Variants in NRDC observed in about 807,000 individuals in gnomAD.
NRDC encodes the protein nardilysin convertase, also known as nardilysin.
In NRDC, 54 loss-of-function variants were observed where a neutral mutation model predicts 147.1. The ratio of observed to expected loss-of-function variants is 0.37; its 90% CI spans 0.29 to 0.46. The LOEUF is 0.46. Among genes scored for constraint, NRDC ranks in the 20% least tolerant of loss-of-function variants. The pLI, the probability that NRDC is intolerant of heterozygous loss-of-function variation, is 1.00. For missense variants in NRDC, 1,082 were observed against 1,370.6 expected (o/e 0.79, Z 3.33); for synonymous variants, 440 against 482.1 (o/e 0.91, Z 1.14).
At chr1:51,863,514 T>C (rs1682655507) in intron 1 of NRDC, among the ~76,000 whole-genome samples, 1 of 152,198 alleles carries the variant, frequency 6.6e-6, no homozygotes, top group South Asian at 2.1e-4. Flanking sequence ...AGAATGATGT[T>C]TGAATCACAA....
chr1:51,862,590 AAC>A (rs1223206523), intron 1 of NRDC, among the ~76,000 whole-genome samples: 1 of 151,824 alleles, frequency 6.6e-6, no homozygotes, highest in African/African-American at 2.4e-5. Flanking sequence ...CCGAGGTGGT[AAC>A]ACACACTTGT....
intron 1 of NRDC, among the ~76,000 whole-genome samples, chr1:51,861,957 C>A (rs1208356366): frequency 6.6e-6 from 1 of 152,128 alleles, no homozygotes; most frequent in African/African-American, 2.4e-5. Context: ...CCAGGTGGGT[C>A]AAAGCTCTCC....
At chr1:51,852,870 CAAT>C (rs981579872) in intron 1 of NRDC, among the ~76,000 whole-genome samples, 11 of 152,096 alleles carry the variant, frequency 7.2e-5, no homozygotes, top group African/African-American at 2.7e-4. Context: ...GCTAATAGAA[CAAT>C]GATACTCAAG....
chr1:51,846,235 C>G (rs549336659), intron 1 of NRDC, among the ~76,000 whole-genome samples: 1 of 152,090 alleles, frequency 6.6e-6, no homozygotes, highest in African/African-American at 2.4e-5. Flanking sequence ...GCCTTAAGCT[C>G]CCGGGTAGCT....
chr1:51,878,322 A>T lies in NRDC; in HGVS notation c.294T>A (p.Ala98=). The T allele has an allele frequency of 6.2e-7, 1 of 1,614,094 alleles. No individual in the cohort carries two copies. The highest frequency in any genetic ancestry group is 1.3e-5 in the African/African-American group (1 of 75,016). ...EEGRRGSLSN[A]GDPEIVKSPS... ...GAGACTTGACGATCTCAGGGTCCCCAGCATTACTGAGAGACCCCCTCCGTC... is the reference window on the plus strand; with the variant it reads ...GAGACTTGACGATCTCAGGGTCCCCTGCATTACTGAGAGACCCCCTCCGTC... Residue 98 remains alanine, a synonymous_variant, in exon 1 of 31, where the codon GCT becomes GCA. Transcript: ENST00000352171.
At chr1:51,798,451 A>G in intron 21 of NRDC, 40 bp from the exon 22 acceptor site, 1 of 1,511,552 alleles carries the variant, frequency 6.6e-7, no homozygotes, top group South Asian at 1.2e-5. Flanking sequence ...AAGTTTTGTT[A>G]TTAGAAATGA....
At chr1:51,817,221 AAT>A (rs1393375717) in intron 10 of NRDC, among the ~76,000 whole-genome samples, 1 of 152,192 alleles carries the variant, frequency 6.6e-6, no homozygotes, top group Admixed American at 6.5e-5. Flanking sequence ...CCTTGTTTAA[AAT>A]ATGAATTTGG....
Position 51,836,188 on chromosome 1 carries a change from C to T in NRDC, c.655G>A (p.Val219Ile). 6.2e-7 allele frequency: 1 copy of T among 1,614,182 alleles called. No homozygotes were observed. The highest frequency in any genetic ancestry group is 8.5e-7 in the Non-Finnish European group (1 of 1,180,032). Residue 219 changes from valine to isoleucine, a missense_variant, in exon 3 of 31, where the codon GTT becomes ATT. By Grantham distance (29) the Val-to-Ile change is conservative. Around this residue, in one of 3 missense-constraint regions of NRDC, gnomAD observed 635 missense variants for 923.8 expected, o/e 0.69. Transcript: ENST00000352171. ...TCATCTGGATCAGCGAAACTCCCAA[C>T]TCCAACACAAAGAGCCGCTGCAGAC... is the stretch of plus-strand genomic sequence containing the variant. Reference protein sequence around the residue: ...KQSAAALCVGVGSFADPDDLP... With the variant: ...KQSAAALCVGIGSFADPDDLP...
At chr1:51,865,848 G>A (rs945556357) in intron 1 of NRDC, among the ~76,000 whole-genome samples, 5 of 151,020 alleles carry the variant, frequency 3.3e-5, no homozygotes, top group Non-Finnish European at 7.4e-5. Flanking sequence ...TCAGGAGAAC[G>A]AGACCATCCT....
rs1681832793 is a variant in NRDC, at chr1:51,849,553, AC to A, written c.342-9040del. Among the ~76,000 whole-genome samples, 3 of 152,270 alleles carry A rather than the reference AC, an allele frequency of 2.0e-5. No homozygotes were observed. In the South Asian group the frequency reaches 6.2e-4, roughly 32 times the overall value. On this transcript the variant is annotated intron_variant, in intron 1 of 30. Transcript: ENST00000352171. ...AAAAGATGGCCGGGCACGGTGGCTC[AC>A]GCCTGTAATCCCGGCACTTTGGAAG...
Position 51,834,117 on chromosome 1 carries a change from G to C in NRDC, c.766C>G (p.Leu256Val). The C allele has an allele frequency of 6.2e-7, 1 of 1,614,018 alleles. No homozygotes were observed. Among genetic ancestry groups the C allele is most frequent in the South Asian group, 1.1e-5 (1 of 91,084 alleles). ...YPDENGFDAFLKKHGGSDNAS... is the reference protein window; with the variant it reads ...YPDENGFDAFVKKHGGSDNAS... ...TTATCACTACCCCCATGCTTCTTCAGGAAGGCATCAAATCCATTCTCATCT... is the reference window on the plus strand; with the variant it reads ...TTATCACTACCCCCATGCTTCTTCACGAAGGCATCAAATCCATTCTCATCT... The change falls in exon 4 of 31, where the codon CTG (leucine) becomes GTG (valine). Residue 256 changes from leucine to valine, a missense_variant. Coordinates refer to ENST00000352171, the MANE Select transcript of NRDC (RefSeq NM_001101662.2).
At chr1:51,813,071 G>A (rs953575187) in intron 14 of NRDC, among the ~76,000 whole-genome samples, 5 of 151,678 alleles carry the variant, frequency 3.3e-5, no homozygotes, top group Non-Finnish European at 7.4e-5. Context: ...CTTGAGCCCA[G>A]TTTGAGGTAA....
At chr1:51,864,150 T>C (rs1451060598) in intron 1 of NRDC, among the ~76,000 whole-genome samples, 5 of 152,302 alleles carry the variant, frequency 3.3e-5, no homozygotes, top group South Asian at 4.1e-4. Context: ...TTTTGCACCA[T>C]GGAAAGTGGA....
At chr1:51,844,793 G>A (rs1423870499) in intron 1 of NRDC, among the ~76,000 whole-genome samples, 1 of 94,006 alleles carries the variant, frequency 1.1e-5, no homozygotes. Context: ...GGGGGAAGGG[G>A]AGGAGGGGGG....
chr1:51,802,454 TATTTTTA>T (rs1679255686), intron 20 of NRDC, among the ~76,000 whole-genome samples: 1 of 152,236 alleles, frequency 6.6e-6, no homozygotes, highest in Non-Finnish European at 1.5e-5. Flanking sequence ...CCATGGTTTG[TATTTTTA>T]ATAAGCTCTC....
chr1:51,823,392 A>G (rs1466846024), intron 7 of NRDC, among the ~76,000 whole-genome samples: 2 of 152,198 alleles, frequency 1.3e-5, no homozygotes, highest in African/African-American at 4.8e-5. Context: ...CTATTAGAAT[A>G]TTAGTACATT....
At chr1:51,792,923 G>C (rs1678721277) in intron 24 of NRDC, among the ~76,000 whole-genome samples, 1 of 152,224 alleles carries the variant, frequency 6.6e-6, no homozygotes, top group Admixed American at 6.5e-5. Flanking sequence ...CCACATGCTA[G>C]CTGCCCAAGA....
chr1:51,837,527 C>G, intron 2 of NRDC: 2 of 1,590,542 alleles, frequency 1.3e-6, no homozygotes, highest in East Asian at 2.2e-5. Context: ...TTTCTTGTCT[C>G]GACCAGCAGG....
At chr1:51,844,832 AG>A (rs1168706936) in intron 1 of NRDC, among the ~76,000 whole-genome samples, 1 of 45,126 alleles carries the variant, frequency 2.2e-5, no homozygotes, top group Non-Finnish European at 4.7e-5. Context: ...GAAGGAAGGA[AG>A]GAAGGAAGGA....
Sources: allele counts gnomAD v4.1 joint callset (sites outside exome capture counted in the v4.1 genomes callset), GRCh38; gene constraint gnomAD v4.1.1; regional missense constraint gnomAD v4.1.1; transcripts MANE v1.5; gene names NCBI Gene and HGNC (gene_info 2026-07-23, HGNC 2026-07-21).